Variants in IL1RAPL1 observed in about 807,000 individuals in gnomAD.
IL1RAPL1 encodes the protein interleukin-1 receptor accessory protein-like 1.
In IL1RAPL1, 3 loss-of-function variants were observed where a neutral mutation model predicts 48.4. The observed-to-expected ratio is 0.06, with a 90% CI of 0.03 to 0.16. The LOEUF is 0.16. Among genes scored for constraint, IL1RAPL1 ranks in the 10% least tolerant of loss-of-function variants. The pLI, the probability that IL1RAPL1 is intolerant of heterozygous loss-of-function variation, is 1.00. For synonymous variants in IL1RAPL1, 185 were observed against 187.7 expected, an observed-to-expected ratio of 0.99 and a Z score of 0.12; for missense variants, 349 against 530.6, an observed-to-expected ratio of 0.66 and a Z score of 3.36.
intron 2 of IL1RAPL1, among the ~76,000 whole-genome samples, chrX:29,239,262 A>C (rs754586325): frequency 2.7e-5 from 3 of 112,440 alleles, no homozygotes; most frequent in South Asian, 7.3e-4. Flanking sequence ...TGTTGCAAAA[A>C]GTGCAATACA....
intron 2 of IL1RAPL1, among the ~76,000 whole-genome samples, chrX:29,000,267 T>C (rs1441578697): frequency 5.4e-5 from 6 of 111,913 alleles, no homozygotes. Context: ...GGTGGCACCA[T>C]GGGAGAAAGG....
chrX:28,777,503 A>T (rs1037035393), intron 1 of IL1RAPL1, among the ~76,000 whole-genome samples: 1 of 111,729 alleles, frequency 9.0e-6, no homozygotes, highest in East Asian at 2.8e-4. Flanking sequence ...AAACAAATAC[A>T]TTCTATTATT....
Position 29,370,065 on chromosome X carries a change from T to C in IL1RAPL1, c.363-26193T>C, listed in dbSNP as rs948705600. 3.6e-5 allele frequency among the ~76,000 whole-genome samples: 4 copies of C among 112,480 alleles called. No individual in the cohort carries two copies. In the Admixed American group the frequency reaches 3.8e-4, roughly 11 times the overall value. ...TTTAAAAACAAAACATTAAAAGTTA[T>C]GAGTGAATAAGAACCAGAAAAAATT... On this transcript the variant is annotated intron_variant, in intron 3 of 10. Transcript: ENST00000378993.
intron 2 of IL1RAPL1, among the ~76,000 whole-genome samples, chrX:28,887,817 ATGG>A (rs1016385420): frequency 3.6e-5 from 4 of 111,266 alleles, no homozygotes; most frequent in African/African-American, 9.8e-5. Flanking sequence ...ACATTATCAA[ATGG>A]TGGCCTACTC....
intron 6 of IL1RAPL1, among the ~76,000 whole-genome samples, chrX:29,789,587 T>C (rs151151805): frequency 0.026 from 2,919 of 111,588 alleles, 75 homozygotes; most frequent in African/African-American, 0.09. Flanking sequence ...TTCAATTTGT[T>C]TGTTTTTTTT....
rs763464065 is a variant in IL1RAPL1 at position 29,641,046 on chromosome X, C to T, written c.704-27384C>T. On this transcript the variant is annotated intron_variant, in intron 5 of 10. Coordinates refer to ENST00000378993, the MANE Select transcript of IL1RAPL1 (RefSeq NM_014271.4). ...ATTAGCTAGGCATGGTGGTACGCAT[C>T]TGTAGTCCCAGCTAATTTGGAGGCT... Among the ~76,000 whole-genome samples, 253 of 111,643 alleles carry T rather than the reference C, an allele frequency of 2.3e-3. 1 individual carries two copies. The highest frequency in any genetic ancestry group is 7.8e-3 in the African/African-American group (239 of 30,688).
chrX:28,781,471 C>G (rs1046785367), intron 1 of IL1RAPL1, among the ~76,000 whole-genome samples: 4 of 109,776 alleles, frequency 3.6e-5, no homozygotes, highest in Non-Finnish European at 5.7e-5. Context: ...TTTTCTATCT[C>G]TAACCTCTAG....
At chrX:29,603,162 A>G (rs1472056145) in intron 5 of IL1RAPL1, among the ~76,000 whole-genome samples, 1 of 108,240 alleles carries the variant, frequency 9.2e-6, no homozygotes, top group East Asian at 2.9e-4. Context: ...GCTACTCAGG[A>G]GTCTGAGGCA....
At chrX:29,569,463 A>T (rs1383748605) in intron 5 of IL1RAPL1, among the ~76,000 whole-genome samples, 3 of 111,310 alleles carry the variant, frequency 2.7e-5, no homozygotes, top group Non-Finnish European at 5.7e-5. Context: ...AATGCCTTAT[A>T]TTTTTTGAGT....
At chrX:29,898,628 G>T (rs1411542410) in intron 6 of IL1RAPL1, among the ~76,000 whole-genome samples, 1 of 112,102 alleles carries the variant, frequency 8.9e-6, no homozygotes, top group Non-Finnish European at 1.9e-5. Context: ...TAAGTGTTGG[G>T]TAAAAGGCAA....
chrX:29,844,961 C>T (rs1184333593), intron 6 of IL1RAPL1, among the ~76,000 whole-genome samples: 3 of 111,969 alleles, frequency 2.7e-5, no homozygotes, highest in Non-Finnish European at 5.6e-5. Flanking sequence ...CCATGTGGTG[C>T]ATTTACATGC....
At chrX:29,636,760 T>C (rs1924976900) in intron 5 of IL1RAPL1, among the ~76,000 whole-genome samples, 1 of 111,759 alleles carries the variant, frequency 8.9e-6, no homozygotes, top group South Asian at 3.7e-4. Flanking sequence ...AGGAACAGGC[T>C]GGGCACTGTG....
At chrX:29,011,283 C>T (rs978822571) in intron 2 of IL1RAPL1, among the ~76,000 whole-genome samples, 1 of 111,470 alleles carries the variant, frequency 9.0e-6, no homozygotes, top group Non-Finnish European at 1.9e-5. Context: ...ATGTATTGAC[C>T]CAAGAGAAAC....
At chrX:29,043,325 C>T (rs1926885956) in intron 2 of IL1RAPL1, among the ~76,000 whole-genome samples, 1 of 111,341 alleles carries the variant, frequency 9.0e-6, no homozygotes. Context: ...TTAATTCATC[C>T]ATTCTTCTTC....
intron 3 of IL1RAPL1, among the ~76,000 whole-genome samples, chrX:29,356,310 C>T (rs1163507149): frequency 1.9e-5 from 2 of 108,023 alleles, no homozygotes; most frequent in East Asian, 3.1e-4. Context: ...GTGAGGCAAT[C>T]GTTTTAATGT....
At chrX:29,924,824 G>A (rs903387766) in intron 8 of IL1RAPL1, among the ~76,000 whole-genome samples, 2 of 111,827 alleles carry the variant, frequency 1.8e-5, no homozygotes, top group African/African-American at 6.5e-5. Flanking sequence ...CTTCTTGTGT[G>A]CACTCTCTTT....
intron 5 of IL1RAPL1, among the ~76,000 whole-genome samples, chrX:29,457,435 C>T (rs1353632169): frequency 9.0e-6 from 1 of 111,003 alleles, no homozygotes; most frequent in East Asian, 2.8e-4. Flanking sequence ...TGAGAACATG[C>T]GGTCTTTGGT....
intron 2 of IL1RAPL1, among the ~76,000 whole-genome samples, chrX:28,862,598 C>A (rs888896143): frequency 8.9e-6 from 1 of 111,790 alleles, no homozygotes; most frequent in African/African-American, 3.3e-5. Context: ...TAGACACTTG[C>A]CTCTGGATGG....
chrX:29,912,569 A>G (rs776492623), intron 6 of IL1RAPL1, among the ~76,000 whole-genome samples: 1 of 112,129 alleles, frequency 8.9e-6, no homozygotes, highest in South Asian at 3.7e-4. Flanking sequence ...AGGAGAAGAG[A>G]AGGAGGAAGA....
Sources: gnomAD v4.1 joint callset for allele counts (sites outside exome capture counted in the v4.1 genomes callset) on GRCh38, gnomAD v4.1.1 for gene constraint, MANE v1.5 for transcripts, NCBI Gene and HGNC (gene_info 2026-07-23, HGNC 2026-07-21) for gene names.